Variants in ULK4 observed in about 807,000 individuals in gnomAD.
The protein encoded by ULK4 is unc-51 like kinase 4, also known as inactive serine/threonine-protein kinase ULK4.
Under a neutral mutation model 160.6 loss-of-function variants are expected in ULK4, and 133 were observed. That is an observed-to-expected ratio of 0.83 (90% CI 0.72 to 0.96). The LOEUF is 0.96. Among genes scored for constraint, ULK4 ranks in the 40% least tolerant of loss-of-function variants. The pLI is 0.00. For missense variants in ULK4, 1,580 were observed against 1,499.5 expected (o/e 1.05, Z -0.89); for synonymous variants, 534 against 539.8 (o/e 0.99, Z 0.15).
chr3:41,437,670 C>T (rs1276790369), intron 34 of ULK4, among the ~76,000 whole-genome samples: 1 of 152,208 alleles, frequency 6.6e-6, no homozygotes, highest in Non-Finnish European at 1.5e-5. Flanking sequence ...TATTTTATCA[C>T]TCACACCCCA....
intron 17 of ULK4, among the ~76,000 whole-genome samples, chr3:41,866,292 G>C (rs1055607163): frequency 6.6e-6 from 1 of 152,168 alleles, no homozygotes; most frequent in African/African-American, 2.4e-5. Context: ...AAGTAGACCT[G>C]ATGTTGACTG....
chr3:41,403,590 G>A (rs1019704477), intron 34 of ULK4, among the ~76,000 whole-genome samples: 4 of 151,696 alleles, frequency 2.6e-5, no homozygotes, highest in Non-Finnish European at 5.9e-5. Context: ...CAAATTCATT[G>A]ATTTCTGGTT....
At chr3:41,334,283 T>C (rs1255328843) in intron 35 of ULK4, among the ~76,000 whole-genome samples, 1 of 152,178 alleles carries the variant, frequency 6.6e-6, no homozygotes, top group Non-Finnish European at 1.5e-5. Flanking sequence ...GGCTGCCTCA[T>C]CTAGTCTCCA....
At chr3:41,802,012 A>C (rs78160225) in intron 19 of ULK4, among the ~76,000 whole-genome samples, 6,629 of 152,146 alleles carry the variant, frequency 0.044, 450 homozygotes, top group African/African-American at 0.15. Context: ...TAAGTACCAA[A>C]AGAAAAAAAA....
At chr3:41,536,296 A>C (rs2086496578) in intron 32 of ULK4, among the ~76,000 whole-genome samples, 1 of 152,118 alleles carries the variant, frequency 6.6e-6, no homozygotes. Context: ...TTCTTCTCAC[A>C]TTCTGCTTTC....
chr3:41,900,836 T>C lies in ULK4; in HGVS notation c.1183-7A>G, dbSNP rs752302230. ...TCAGGTGTCCACTTGTAATCTGAAATGAGAACAAAAATTAGACTTTGTTTC... is the reference window on the plus strand; with the variant it reads ...TCAGGTGTCCACTTGTAATCTGAAACGAGAACAAAAATTAGACTTTGTTTC... On this transcript the variant is annotated splice_region_variant and splice_polypyrimidine_tract_variant and intron_variant, in intron 12 of 36. Transcript: ENST00000301831. 2 of 1,607,822 alleles carry C rather than the reference T, an allele frequency of 1.2e-6. No individual in the cohort carries two copies. The highest frequency in any genetic ancestry group is 2.2e-5 in the South Asian group (2 of 90,736).
At chr3:41,597,239 TCTTA>T in intron 31 of ULK4, among the ~76,000 whole-genome samples, 1 of 152,250 alleles carries the variant, frequency 6.6e-6, no homozygotes, top group South Asian at 2.1e-4. Context: ...CAAAGCTAAC[TCTTA>T]CTTGCTCTCT....
chr3:41,890,520 A>C (rs1697887627), intron 16 of ULK4, among the ~76,000 whole-genome samples: 1 of 151,546 alleles, frequency 6.6e-6, no homozygotes, highest in African/African-American at 2.4e-5. Context: ...TCTCTACTAA[A>C]AATACAAAAA....
chr3:41,923,986 A>G (rs780509269), intron 5 of ULK4, among the ~76,000 whole-genome samples: 2 of 152,182 alleles, frequency 1.3e-5, no homozygotes, highest in African/African-American at 2.4e-5. Flanking sequence ...TACACAGGAA[A>G]TTAAAACTCC....
At chr3:41,778,322 G>T (rs1431832178) in intron 21 of ULK4, among the ~76,000 whole-genome samples, 227 of 26,692 alleles carry the variant, frequency 8.5e-3, no homozygotes, top group African/African-American at 0.07. Flanking sequence ...CACTGCTCAA[G>T]GAAATAAAAG....
intron 18 of ULK4, among the ~76,000 whole-genome samples, chr3:41,823,704 T>G (rs969187682): frequency 1.3e-5 from 2 of 152,178 alleles, no homozygotes; most frequent in Non-Finnish European, 2.9e-5. Context: ...TTTATTGTAC[T>G]CAAACTGACA....
rs181090382 is a variant in ULK4, at chr3:41,519,507, T to C, written c.3226+46518A>G. 1.1e-4 allele frequency among the ~76,000 whole-genome samples: 17 copies of C among 152,322 alleles called. No individual in the cohort carries two copies. In the East Asian group the frequency reaches 3.1e-3, roughly 28 times the overall value. ...CCTTCTTCCTCATACAGAAGAGACA[T>C]TTGATGTTCCTCAGTTGGGACACCA... On this transcript the variant is annotated intron_variant, in intron 32 of 36. Coordinates refer to ENST00000301831, the MANE Select transcript of ULK4 (RefSeq NM_017886.4).
rs1553684406 is a variant in ULK4, at chr3:41,904,449, A to ATAG, written c.1182+3395_1182+3396insCTA. Among the ~76,000 whole-genome samples the ATAG allele has an allele frequency of 8.2e-4, 125 of 151,980 alleles. 1 individual carries two copies. The highest frequency in any genetic ancestry group is 1.1e-3 in the Non-Finnish European group (73 of 67,962). ...TGTCTCAAAAATAAATAAATAAATA[A>ATAG]ATAGATAGATAGATAGATATGTAAA... is the stretch of plus-strand genomic sequence containing the variant. On this transcript the variant is annotated intron_variant, in intron 12 of 36. Transcript: ENST00000301831.
At chr3:41,615,215 A>G (rs2032903504) in intron 31 of ULK4, among the ~76,000 whole-genome samples, 1 of 152,220 alleles carries the variant, frequency 6.6e-6, no homozygotes, top group South Asian at 2.1e-4. Flanking sequence ...ATGGAAGCTA[A>G]GCTATTCTAG....
intron 18 of ULK4, among the ~76,000 whole-genome samples, chr3:41,820,354 C>A (rs2041103165): frequency 1.3e-5 from 2 of 152,154 alleles, no homozygotes; most frequent in Admixed American, 1.3e-4. Context: ...CAAAAACACA[C>A]ACACACTCAT....
intron 32 of ULK4, among the ~76,000 whole-genome samples, chr3:41,477,358 T>C (rs1027336945): frequency 6.6e-6 from 1 of 152,232 alleles, no homozygotes; most frequent in Admixed American, 6.5e-5. Flanking sequence ...TACTTTGAAT[T>C]TCCAAGCTTT....
intron 17 of ULK4, among the ~76,000 whole-genome samples, chr3:41,877,483 T>C (rs1189914088): frequency 6.6e-6 from 1 of 151,846 alleles, no homozygotes; most frequent in Non-Finnish European, 1.5e-5. Flanking sequence ...TGCATCACTA[T>C]GCTCGGCTAA....
chr3:41,853,527 C>T (rs2042264441), intron 17 of ULK4, among the ~76,000 whole-genome samples: 1 of 152,256 alleles, frequency 6.6e-6, no homozygotes, highest in South Asian at 2.1e-4. Context: ...AGATCACGTA[C>T]CCTACACTTA....
intron 22 of ULK4, among the ~76,000 whole-genome samples, chr3:41,733,369 G>C (rs985136942): frequency 1.3e-5 from 2 of 152,144 alleles, no homozygotes; most frequent in African/African-American, 4.8e-5. Flanking sequence ...ATCTAGTTTG[G>C]AATACTGTGT....
Sources: gnomAD v4.1 joint callset for allele counts (sites outside exome capture counted in the v4.1 genomes callset) on GRCh38, gnomAD v4.1.1 for gene constraint, MANE v1.5 for transcripts, NCBI Gene and HGNC (gene_info 2026-07-23, HGNC 2026-07-21) for gene names.